CACNA2D2: variants seen among roughly 807,000 people sequenced by gnomAD.
CACNA2D2 encodes the protein calcium voltage-gated channel auxiliary subunit alpha2delta 2.
A neutral mutation model predicts 166.4 loss-of-function variants in CACNA2D2; 48 were observed. That is an observed-to-expected ratio of 0.29 (90% confidence interval 0.23 to 0.37). The LOEUF (loss-of-function observed/expected upper bound fraction) is 0.37. Ranked by LOEUF, CACNA2D2 falls within the 10% of genes least tolerant of loss-of-function variation. The pLI is 1.00. For missense variants in CACNA2D2, 1,122 were observed against 1,433.0 expected (o/e 0.78, Z 3.50); for synonymous variants, 561 against 573.7 (o/e 0.98, Z 0.32).
chr3:50,369,596 C>T (rs1204336485), intron 23 of CACNA2D2, among the ~76,000 whole-genome samples: 1 of 152,264 alleles, frequency 6.6e-6, no homozygotes, highest in Non-Finnish European at 1.5e-5. Context: ...GGTCTCTTGT[C>T]AGCTGCATCC....
chr3:50,381,116 G>A lies in CACNA2D2; in HGVS notation c.663C>T (p.Ile221=). The A allele has an allele frequency of 6.2e-7, 1 of 1,611,996 alleles. No individual in the cohort carries two copies. Among genetic ancestry groups the A allele is most frequent in the Non-Finnish European group, 8.5e-7 (1 of 1,179,042 alleles). ...CCTCTGTCCAGTTGAGCTCATTGAG[G>A]ATGACAGTGGCTGGGGGGAAGCGGG... is the stretch of plus-strand genomic sequence containing the variant. ...PTDIYKGSTV[I]LNELNWTEAL... The change falls in exon 7 of 38, where the codon ATC becomes ATT. Residue 221 remains isoleucine, a synonymous_variant. Coordinates refer to ENST00000424201, the MANE Select transcript of CACNA2D2 (RefSeq NM_006030.4).
intron 1 of CACNA2D2, among the ~76,000 whole-genome samples, chr3:50,492,862 G>A (rs1698574739): frequency 6.6e-6 from 1 of 152,170 alleles, no homozygotes; most frequent in Non-Finnish European, 1.5e-5. Context: ...GGATGTGTGG[G>A]ACAGGGCTGA....
chr3:50,365,056 G>C lies in CACNA2D2; in HGVS notation c.3208+19C>G. 1 of 1,598,602 alleles carries C rather than the reference G, an allele frequency of 6.3e-7. No homozygotes were observed. The highest frequency in any genetic ancestry group is 2.2e-5 in the East Asian group (1 of 44,674). On this transcript the variant is annotated intron_variant, in intron 36 of 37. Transcript: ENST00000424201. This position sits in a 1 kb window ranked among gnomAD's most constrained non-coding sequence, Gnocchi z 4.5. ...GGGCAGAGGGGGAGCGGGCGGCGGGGAGGGCGGGGGCAGGATACAGTGCGT... is the reference window on the plus strand; with the variant it reads ...GGGCAGAGGGGGAGCGGGCGGCGGGCAGGGCGGGGGCAGGATACAGTGCGT...
intron 5 of CACNA2D2, among the ~76,000 whole-genome samples, chr3:50,387,141 C>T (rs368103220): frequency 1.4e-4 from 21 of 152,262 alleles, no homozygotes; most frequent in African/African-American, 4.8e-4. Context: ...GATGATGGGC[C>T]AGGCTGTGGG....
At chr3:50,385,786 G>C (rs1433669582) in intron 5 of CACNA2D2, among the ~76,000 whole-genome samples, 1 of 152,238 alleles carries the variant, frequency 6.6e-6, no homozygotes, top group Non-Finnish European at 1.5e-5. Flanking sequence ...CCGACTGTGA[G>C]GCGTGCGCCA....
At chr3:50,370,550 G>A (rs892479276) in intron 22 of CACNA2D2, among the ~76,000 whole-genome samples, 170 bp from the exon 23 acceptor site, 9 of 152,036 alleles carry the variant, frequency 5.9e-5, no homozygotes, top group South Asian at 2.1e-4. Flanking sequence ...GAGAAGGGAC[G>A]GGCAGGGAGG....
At chr3:50,439,344 G>A (rs548175661) in intron 2 of CACNA2D2, among the ~76,000 whole-genome samples, 107 of 152,348 alleles carry the variant, frequency 7.0e-4, no homozygotes, top group African/African-American at 2.3e-3. Context: ...GCACTCGCAC[G>A]CAAGGCTCCT....
intron 2 of CACNA2D2, among the ~76,000 whole-genome samples, chr3:50,464,598 G>A (rs900580809): frequency 9.9e-5 from 15 of 152,208 alleles, no homozygotes; most frequent in African/African-American, 3.4e-4. Context: ...CAGTATGCCA[G>A]CCTCAGGGGT....
Position 50,377,823 on chromosome 3 carries a change from A to G in CACNA2D2, c.1480-20T>C. On this transcript the variant is annotated intron_variant, in intron 15 of 37. Coordinates refer to ENST00000424201, the MANE Select transcript of CACNA2D2 (RefSeq NM_006030.4). ...CAGTCCCTGAAGGGAGAGGAAGATG[A>G]TGGAGTCACCTGTGGCCAGCACTGA... 1.2e-6 allele frequency: 2 copies of G among 1,607,640 alleles called. No homozygotes were observed. The highest frequency in any genetic ancestry group is 1.7e-6 in the Non-Finnish European group (2 of 1,175,946).
At chr3:50,388,659 G>C (rs1260249567) in intron 4 of CACNA2D2, among the ~76,000 whole-genome samples, 1 of 152,216 alleles carries the variant, frequency 6.6e-6, no homozygotes, top group East Asian at 1.9e-4. Flanking sequence ...GCCCAGCTGG[G>C]GCTCACTCAG....
chr3:50,401,369 T>C (rs1332484416), intron 3 of CACNA2D2, among the ~76,000 whole-genome samples: 1 of 152,192 alleles, frequency 6.6e-6, no homozygotes, highest in Non-Finnish European at 1.5e-5. Context: ...AAGTCCAGGC[T>C]TGACACCTCC....
chr3:50,398,133 G>A (rs1706254276), intron 3 of CACNA2D2, among the ~76,000 whole-genome samples: 2 of 152,178 alleles, frequency 1.3e-5, no homozygotes, highest in African/African-American at 2.4e-5. Flanking sequence ...GGGATACCAC[G>A]CAGGGCAGGG....
In CACNA2D2 at chr3:50,363,077, G is replaced by C. The variant is rs148344318; in HGVS notation, c.*1589C>G. 1.8e-5 allele frequency: 7 copies of C among 398,428 alleles called. No homozygotes were observed. The highest frequency in any genetic ancestry group is 3.1e-5 in the Non-Finnish European group (7 of 226,042). 24.7% of individuals were successfully genotyped at this position (398,428 alleles called of 1,614,324 possible). A position where few individuals can be genotyped will look rare whatever the true frequency, so the allele number is the denominator to read the frequency against. On this transcript the variant is annotated 3_prime_UTR_variant, in exon 38 of 38. Coordinates refer to ENST00000424201, the MANE Select transcript of CACNA2D2 (RefSeq NM_006030.4). ...CTGGGGGTTAGACAGCTACCTGATG[G>C]GGATTGTTTTGTCTGTTTTTCTGTT...
chr3:50,441,650 A>C (rs1229424538), intron 2 of CACNA2D2, among the ~76,000 whole-genome samples: 1 of 152,252 alleles, frequency 6.6e-6, no homozygotes, highest in African/African-American at 2.4e-5. Flanking sequence ...TCCTGGGTGT[A>C]GCCCTTTGCT....
Position 50,365,662 on chromosome 3 carries a change from C to A in CACNA2D2, c.2942G>T (p.Gly981Val). 3 of 1,583,208 alleles carry A rather than the reference C, an allele frequency of 1.9e-6. No homozygotes were observed. Among genetic ancestry groups the A allele is most frequent in the Non-Finnish European group, 2.6e-6 (3 of 1,164,868 alleles). Residue 981 changes from glycine to valine, a missense_variant, in exon 34 of 38, where the codon GGC becomes GTC. Physicochemically the swap from Gly to Val is moderately radical, Grantham distance 109. Coordinates refer to ENST00000424201, the MANE Select transcript of CACNA2D2 (RefSeq NM_006030.4). This position sits in a 1 kb window ranked among gnomAD's most constrained non-coding sequence, Gnocchi z 4.5. ...AWSLFQQLLY[G>V]LIYHSWFQAD... ...TTGGAACCAGCTGTGGTAGATGAGGCCGTAGAGAAGCTGCTGGAACAGGGA... is the reference window on the plus strand; with the variant it reads ...TTGGAACCAGCTGTGGTAGATGAGGACGTAGAGAAGCTGCTGGAACAGGGA...
intron 14 of CACNA2D2, 35 bp from the exon 15 acceptor site, chr3:50,378,132 C>T (rs749554272): frequency 5.7e-5 from 91 of 1,602,260 alleles, no homozygotes; most frequent in Non-Finnish European, 7.5e-5. Context: ...TAATGAGTGC[C>T]TTTCCCAGGC....
At chr3:50,405,055 C>A (rs530878560) in intron 3 of CACNA2D2, among the ~76,000 whole-genome samples, 8 of 152,326 alleles carry the variant, frequency 5.3e-5, no homozygotes, top group Admixed American at 2.0e-4. Context: ...TCCTAAAACA[C>A]AGCCTAAGCG....
At chr3:50,471,607 G>A (rs1323479807) in intron 2 of CACNA2D2, among the ~76,000 whole-genome samples, 1 of 152,242 alleles carries the variant, frequency 6.6e-6, no homozygotes, top group Non-Finnish European at 1.5e-5. Flanking sequence ...CCCAGAGTCA[G>A]TGTGTGAGTG....
chr3:50,499,465 C>T (rs1698864573), intron 1 of CACNA2D2, among the ~76,000 whole-genome samples: 1 of 152,228 alleles, frequency 6.6e-6, no homozygotes, highest in African/African-American at 2.4e-5. Context: ...TAATTCTCAC[C>T]ACCAGCCTCT....
Sources: gnomAD v4.1 joint callset for allele counts (sites outside exome capture counted in the v4.1 genomes callset) on GRCh38, gnomAD v4.1.1 for gene constraint, Gnocchi (gnomAD v3.1) non-coding constraint, MANE v1.5 for transcripts, NCBI Gene and HGNC (gene_info 2026-07-23, HGNC 2026-07-21) for gene names.